The following UBE2L3 variants were observed in gnomAD, a reference collection of about 807,000 sequenced individuals.
The protein encoded by UBE2L3 is ubiquitin-conjugating enzyme E2 L3.
UBE2L3 carries 1 observed loss-of-function variant against 17.8 expected under a neutral mutation model. The observed-to-expected ratio is 0.06, with a 90% confidence interval of 0.02 to 0.27. The LOEUF (loss-of-function observed/expected upper bound fraction) is 0.27. Among genes scored for constraint, UBE2L3 ranks in the 10% least tolerant of loss-of-function variants. The pLI is 1.00. For missense variants in UBE2L3, 40 were observed against 192.6 expected (o/e 0.21, Z 4.69); for synonymous variants, 44 against 68.5 (o/e 0.64, Z 1.76).
At chr22:21,619,837 ATGGG>A in intron 3 of UBE2L3, among the ~76,000 whole-genome samples, 1 of 152,142 alleles carries the variant, frequency 6.6e-6, no homozygotes, top group East Asian at 1.9e-4. Context: ...GACTCTAGGC[ATGGG>A]CCACCATGCC....
At chr22:21,568,406 G>A in intron 1 of UBE2L3, 3 of 985,442 alleles carry the variant, frequency 3.0e-6, no homozygotes, top group Non-Finnish European at 3.6e-6. Context: ...AAGGCCTGAG[G>A]TCGGCCCCGA....
chr22:21,615,359 T>C (rs1929710262), intron 3 of UBE2L3, among the ~76,000 whole-genome samples: 1 of 150,750 alleles, frequency 6.6e-6, no homozygotes, highest in Admixed American at 6.6e-5. Context: ...ATTGAGACCA[T>C]CCTGGCTAAC....
chr22:21,615,930 G>T (rs1199186373), intron 3 of UBE2L3, among the ~76,000 whole-genome samples: 1 of 152,164 alleles, frequency 6.6e-6, no homozygotes, highest in Non-Finnish European at 1.5e-5. Flanking sequence ...CCCAAACGTG[G>T]TGCTGAAGTG....
At chr22:21,600,832 G>A (rs1397507443) in intron 2 of UBE2L3, among the ~76,000 whole-genome samples, 1 of 152,116 alleles carries the variant, frequency 6.6e-6, no homozygotes, top group Non-Finnish European at 1.5e-5. Flanking sequence ...CAGATTTTTT[G>A]ATTCAAATAA....
intron 3 of UBE2L3, among the ~76,000 whole-genome samples, chr22:21,621,295 T>A (rs944051576): frequency 6.6e-6 from 1 of 152,178 alleles, no homozygotes; most frequent in Non-Finnish European, 1.5e-5. Context: ...TCCACTGTAG[T>A]GTTAGCTATT....
chr22:21,557,816 C>A (rs572830162), intron 1 of UBE2L3, among the ~76,000 whole-genome samples: 1 of 152,212 alleles, frequency 6.6e-6, no homozygotes, highest in Non-Finnish European at 1.5e-5. Flanking sequence ...CCATAGCACC[C>A]GGCCGGCAGA....
rs1926159415 is a variant in UBE2L3 at position 21,554,450 on chromosome 22, T to C, written c.201+4800T>C. The stretch of plus-strand genomic sequence containing the variant: ...TTACCATCCAGCAGCTGCCCCAAAG[T>C]ATGTCAAAAGCATTCGGGAATGTTG... On this transcript the variant is annotated intron_variant, in intron 1 of 3. Coordinates refer to the UBE2L3 transcript ENST00000458578. 4.1e-5 allele frequency among the ~76,000 whole-genome samples: 2 copies of C among 49,206 alleles called. 1 individual carries two copies. The highest frequency in any genetic ancestry group is 8.8e-4 in the South Asian group (2 of 2,282). 32.3% of individuals were successfully genotyped at this position (49,206 alleles called of 152,430 possible).
intron 1 of UBE2L3, among the ~76,000 whole-genome samples, chr22:21,556,334 G>T (rs1926223278): frequency 6.6e-6 from 1 of 151,936 alleles, no homozygotes; most frequent in Non-Finnish European, 1.5e-5. Context: ...ATTCAAAGCT[G>T]CAGTGAGCAA....
At chr22:21,578,221 G>A (rs538430861) in intron 1 of UBE2L3, among the ~76,000 whole-genome samples, 18 of 152,006 alleles carry the variant, frequency 1.2e-4, no homozygotes, top group Admixed American at 8.5e-4. Context: ...TTAGCCGGGC[G>A]TGGTGGTGGG....
chr22:21,603,085 AT>A (rs1244552310), intron 2 of UBE2L3, among the ~76,000 whole-genome samples: 2 of 152,132 alleles, frequency 1.3e-5, no homozygotes, highest in East Asian at 3.8e-4. Flanking sequence ...CTTTGGTCAA[AT>A]TTTTTTAAAT....
intron 2 of UBE2L3, among the ~76,000 whole-genome samples, chr22:21,598,253 G>A (rs1928663069): frequency 7.3e-6 from 1 of 136,112 alleles, no homozygotes; most frequent in African/African-American, 2.5e-5. Flanking sequence ...CTTCTTTCTT[G>A]TGTTATTACT....
chr22:21,601,650 C>G (rs1028534749), intron 2 of UBE2L3, among the ~76,000 whole-genome samples: 1 of 151,654 alleles, frequency 6.6e-6, no homozygotes, highest in African/African-American at 2.4e-5. Context: ...GAGTGGATCA[C>G]GAAGGCTTGA....
upstream of UBE2L3, among the ~76,000 whole-genome samples, chr22:21,563,132 C>T (rs1601385765): frequency 6.6e-6 from 1 of 151,414 alleles, no homozygotes; most frequent in East Asian, 2.0e-4. Context: ...ATCCCAGCTA[C>T]TCGGGAGGCT....
At chr22:21,576,842 C>T (rs1419715719) in intron 1 of UBE2L3, among the ~76,000 whole-genome samples, 2 of 133,154 alleles carry the variant, frequency 1.5e-5, no homozygotes, top group African/African-American at 2.9e-5. Flanking sequence ...CTCGCTCTGT[C>T]GCCCAAGCTG....
In UBE2L3 at chr22:21,592,966, G is replaced by C. The variant is rs1334431054; in HGVS notation, c.123+10G>C. 6.2e-7 allele frequency: 1 copy of C among 1,606,096 alleles called. No individual in the cohort carries two copies. The highest frequency in any genetic ancestry group is 1.1e-5 in the South Asian group (1 of 90,896). On this transcript the variant is annotated intron_variant, in intron 2 of 3. Coordinates refer to ENST00000342192, the MANE Select transcript of UBE2L3 (RefSeq NM_003347.4). ...AGGGCTTATTGTTCCTGTGAGTATT[G>C]AACACTTCCACTTCCTACCAGATTA...
At chr22:21,587,325 G>C (rs1306037089) in intron 1 of UBE2L3, among the ~76,000 whole-genome samples, 1 of 152,004 alleles carries the variant, frequency 6.6e-6, no homozygotes, top group Non-Finnish European at 1.5e-5. Flanking sequence ...CGAGTAGCCG[G>C]GACTACAGGC....
At chr22:21,619,694 T>G (rs1425518593) in intron 3 of UBE2L3, among the ~76,000 whole-genome samples, 15 of 152,194 alleles carry the variant, frequency 9.9e-5, no homozygotes, top group African/African-American at 2.4e-5. Context: ...GCATTTTGTT[T>G]TATTTATTTA....
chr22:21,568,432 G>T (rs1926766561), intron 1 of UBE2L3: 3 of 985,406 alleles, frequency 3.0e-6, no homozygotes, highest in Non-Finnish European at 3.6e-6. Flanking sequence ...GCGCGGTTCT[G>T]CTTCCCTCTC....
chr22:21,567,200 G>C (rs532839198), upstream of UBE2L3, among the ~76,000 whole-genome samples: 17 of 151,822 alleles, frequency 1.1e-4, no homozygotes, highest in East Asian at 2.7e-3. Context: ...GTCTTCCTCT[G>C]TCACCCAGGC....
Sources: gnomAD v4.1 joint callset for allele counts (sites outside exome capture counted in the v4.1 genomes callset) on GRCh38, gnomAD v4.1.1 for gene constraint, MANE v1.5 for transcripts, NCBI Gene and HGNC (gene_info 2026-07-23, HGNC 2026-07-21) for gene names.